The following ADGRL2 variants were observed in gnomAD, a reference collection of about 807,000 sequenced individuals.
The protein encoded by ADGRL2 is adhesion G protein-coupled receptor L2, also known as calcium-independent alpha-latrotoxin receptor 2.
ADGRL2 carries 44 observed loss-of-function variants against 157.4 expected under a neutral mutation model. The ratio of observed to expected loss-of-function variants is 0.28; its 90% CI spans 0.22 to 0.36. The LOEUF (loss-of-function observed/expected upper bound fraction) is 0.36. ADGRL2 is among the 10% of genes least tolerant of loss of function. ADGRL2 has a pLI of 1.00. For synonymous variants in ADGRL2, 585 were observed against 624.7 expected, an observed-to-expected ratio of 0.94 and a Z score of 0.95; for missense variants, 1,510 against 1,768.9, an observed-to-expected ratio of 0.85 and a Z score of 2.63.
Position 81,679,520 on chromosome 1 carries a change from A to G in ADGRL2, c.-142-82291A>G, listed in dbSNP as rs188121916. Among the ~76,000 whole-genome samples, 20 of 152,288 alleles carry G rather than the reference A, an allele frequency of 1.3e-4. No individual in the cohort carries two copies. The East Asian group carries it at 3.9e-3, about 29-fold the overall frequency. On this transcript the variant is annotated intron_variant, in intron 3 of 24. Transcript: ENST00000370721. ...TTTAAAATGGAGCAATAATACCTCAAAGTGTTGAGCTGAGAATTAAAAGCC... is the reference window on the plus strand; with the variant it reads ...TTTAAAATGGAGCAATAATACCTCAGAGTGTTGAGCTGAGAATTAAAAGCC...
chr1:81,734,496 C>T (rs1005777059), intron 1 of ADGRL2, among the ~76,000 whole-genome samples: 1 of 142,190 alleles, frequency 7.0e-6, no homozygotes, highest in Non-Finnish European at 1.5e-5. Flanking sequence ...CCTGAAGAAA[C>T]AAAACTTACA....
chr1:81,683,677 A>G (rs1437421370), intron 3 of ADGRL2, among the ~76,000 whole-genome samples: 2 of 150,600 alleles, frequency 1.3e-5, no homozygotes, highest in African/African-American at 4.9e-5. Flanking sequence ...GTGTGTATGT[A>G]TGTACGTATG....
intron 2 of ADGRL2, among the ~76,000 whole-genome samples, chr1:81,453,512 A>G (rs1245005585): frequency 6.6e-6 from 1 of 152,150 alleles, no homozygotes; most frequent in East Asian, 1.9e-4. Context: ...ATGTACCTAG[A>G]GAGAGAAGAA....
intron 3 of ADGRL2, among the ~76,000 whole-genome samples, chr1:81,640,978 C>T (rs949588992): frequency 2.0e-5 from 3 of 152,176 alleles, no homozygotes; most frequent in African/African-American, 7.2e-5. Flanking sequence ...TGTTCCTGCC[C>T]TATGAGAAAC....
intron 3 of ADGRL2, among the ~76,000 whole-genome samples, chr1:81,623,139 G>A (rs1351418511): frequency 6.6e-6 from 1 of 152,122 alleles, no homozygotes; most frequent in Non-Finnish European, 1.5e-5. Context: ...GATGCTCTTG[G>A]TACTTGGACA....
chr1:81,421,606 G>A lies in ADGRL2; in HGVS notation c.-301-23430G>A, dbSNP rs909755148. ...TCCTCTGTGGATCTGTCTTGCCCAC[G>A]TGAGTATTTGAGCTATCATGACAGT... On this transcript the variant is annotated intron_variant, in intron 1 of 24. Coordinates refer to the ADGRL2 transcript ENST00000370721. 4.4e-4 allele frequency among the ~76,000 whole-genome samples: 67 copies of A among 152,190 alleles called. 1 individual carries two copies. The highest frequency in any genetic ancestry group is 5.9e-5 in the Non-Finnish European group (4 of 68,018).
chr1:81,893,670 G>A (rs979916383), intron 2 of ADGRL2, among the ~76,000 whole-genome samples: 2 of 152,160 alleles, frequency 1.3e-5, no homozygotes, highest in African/African-American at 2.4e-5. Flanking sequence ...TTCTGCTACC[G>A]TGCTGTTCCT....
chr1:81,314,843 T>G (rs888959416), intron 1 of ADGRL2, among the ~76,000 whole-genome samples: 20 of 152,194 alleles, frequency 1.3e-4, no homozygotes, highest in Non-Finnish European at 2.5e-4. Context: ...TAATCTTGTC[T>G]GACTTTATAA....
chr1:81,935,129 T>A (rs1293304210), intron 3 of ADGRL2, among the ~76,000 whole-genome samples: 2 of 151,986 alleles, frequency 1.3e-5, no homozygotes, highest in Non-Finnish European at 2.9e-5. Flanking sequence ...GGTTCTGTGA[T>A]TCATGTTAAA....
chr1:81,510,820 T>C (rs922939210), intron 2 of ADGRL2, among the ~76,000 whole-genome samples: 3 of 152,196 alleles, frequency 2.0e-5, no homozygotes, highest in African/African-American at 4.8e-5. Flanking sequence ...TTTTTCATAG[T>C]TGGTAACTTT....
rs773916063 is a variant in ADGRL2, at chr1:81,991,160, A to T, written c.*15A>T. ...CAAGTCTTTAATCATACAGCTAAGG[A>T]ATTCCAAGGGCCACATGCGAGTATT... is the stretch of plus-strand genomic sequence containing the variant. On this transcript the variant is annotated 3_prime_UTR_variant, in exon 24 of 24. Transcript: ENST00000686636. 1 of 1,586,262 alleles carries T rather than the reference A, an allele frequency of 6.3e-7. No individual in the cohort carries two copies. Among genetic ancestry groups the T allele is most frequent in the Non-Finnish European group, 8.6e-7 (1 of 1,163,956 alleles).
chr1:81,473,396 C>T (rs2078211609), intron 2 of ADGRL2, among the ~76,000 whole-genome samples: 1 of 152,110 alleles, frequency 6.6e-6, no homozygotes. Context: ...CTTATATACA[C>T]ACTGGATTTC....
chr1:81,379,657 C>T (rs1311301371), intron 1 of ADGRL2, among the ~76,000 whole-genome samples: 8 of 152,172 alleles, frequency 5.3e-5, no homozygotes, highest in Non-Finnish European at 2.9e-5. Context: ...GATGGCCTGC[C>T]TGCATGCTGG....
chr1:81,322,089 T>TATATATATACAC lies in ADGRL2; in HGVS notation c.-302+15589_-302+15590insCACATATATATA, dbSNP rs1660543232. On this transcript the variant is annotated intron_variant, in intron 1 of 24. Coordinates refer to the ADGRL2 transcript ENST00000370721. ...TCCTTAAATGTACAGGACTAATTCATATATATATATATATATATATACACA... is the reference window on the plus strand; with the variant it reads ...TCCTTAAATGTACAGGACTAATTCATATATATATACACATATATATATATATATATATACACA... Among the ~76,000 whole-genome samples the TATATATATACAC allele has an allele frequency of 2.9e-5, 3 of 103,542 alleles. No homozygotes were observed. In the South Asian group the frequency reaches 9.1e-4, roughly 32 times the overall value. 67.9% of individuals were successfully genotyped at this position (103,542 alleles called of 152,430 possible). A position where few individuals can be genotyped will look rare whatever the true frequency, so the allele number is the denominator to read the frequency against.
chr1:81,432,826 G>A (rs768492120), intron 1 of ADGRL2, among the ~76,000 whole-genome samples: 13 of 152,182 alleles, frequency 8.5e-5, no homozygotes, highest in Non-Finnish European at 1.2e-4. Flanking sequence ...GGCTTGGGGC[G>A]GCATGGGGAA....
At chr1:81,382,370 A>G (rs2076358376) in intron 1 of ADGRL2, among the ~76,000 whole-genome samples, 1 of 152,216 alleles carries the variant, frequency 6.6e-6, no homozygotes. Context: ...GTTTAAAATA[A>G]TAACAATCTG....
At chr1:81,840,025 C>T (rs1003159289) in intron 2 of ADGRL2, among the ~76,000 whole-genome samples, 3 of 136,800 alleles carry the variant, frequency 2.2e-5, no homozygotes, top group African/African-American at 7.7e-5. Context: ...GTTGGTTCCA[C>T]GATTTTGCAG....
At chr1:81,666,635 C>T (rs1222935747) in intron 3 of ADGRL2, among the ~76,000 whole-genome samples, 1 of 152,092 alleles carries the variant, frequency 6.6e-6, no homozygotes, top group East Asian at 1.9e-4. Flanking sequence ...TTTGGCGGCT[C>T]CTATGATGGC....
intron 2 of ADGRL2, among the ~76,000 whole-genome samples, chr1:81,853,108 A>G (rs1360178939): frequency 6.6e-6 from 1 of 152,168 alleles, no homozygotes; most frequent in Non-Finnish European, 1.5e-5. Flanking sequence ...GGTATCTGTT[A>G]TCACTGAATA....
Sources: gnomAD v4.1 joint callset for allele counts (sites outside exome capture counted in the v4.1 genomes callset) on GRCh38, gnomAD v4.1.1 for gene constraint, MANE v1.5 for transcripts, NCBI Gene and HGNC (gene_info 2026-07-23, HGNC 2026-07-21) for gene names.